Variants in KCNQ2 observed in about 807,000 individuals in gnomAD.
The protein encoded by KCNQ2 is potassium voltage-gated channel subfamily KQT member 2.
A neutral mutation model predicts 84.8 loss-of-function variants in KCNQ2; 14 were observed. The ratio of observed to expected loss-of-function variants is 0.17; its 90% CI spans 0.11 to 0.26. The LOEUF is 0.26. KCNQ2 is among the 10% of genes least tolerant of loss of function. KCNQ2 has a pLI of 1.00. For missense variants in KCNQ2, 788 were observed against 1,254.0 expected, an observed-to-expected ratio of 0.63 and a Z score of 5.61; for synonymous variants, 599 against 554.1, an observed-to-expected ratio of 1.08 and a Z score of -1.14.
In KCNQ2 at chr20:63,434,093, A is replaced by G; in HGVS notation, c.1024-190T>C. On this transcript the variant is annotated intron_variant, in intron 7 of 16. Coordinates refer to ENST00000359125, the MANE Select transcript of KCNQ2 (RefSeq NM_172107.4). ...AGCCTCAGTTTACCCTCTGTAGGACAGACAGGCAAGCCCGCTTGTCAGACG... is the reference window on the plus strand; with the variant it reads ...AGCCTCAGTTTACCCTCTGTAGGACGGACAGGCAAGCCCGCTTGTCAGACG... The G allele has an allele frequency of 5.2e-6, 3 of 575,276 alleles. No homozygotes were observed. The South Asian group carries it at 6.8e-5, about 13-fold the overall frequency. The allele number at this position is 575,276 out of a possible 1,614,324, so 35.6% of individuals were successfully genotyped here. A position where few individuals can be genotyped will look rare whatever the true frequency, so the allele number is the denominator to read the frequency against.
intron 2 of KCNQ2, 173 bp from the exon 3 acceptor site, chr20:63,445,537 G>A: frequency 1.5e-6 from 1 of 658,362 alleles, no homozygotes; most frequent in Non-Finnish European, 2.6e-6. Flanking sequence ...GGCAGGAAGG[G>A]TTGGGCCCTC....
chr20:63,448,261 G>C (rs1263753025), intron 1 of KCNQ2: 7 of 152,290 alleles, frequency 4.6e-5, no homozygotes, highest in Admixed American at 3.9e-4. Context: ...ATGTGAAGGG[G>C]ACGTGTCCAA....
chr20:63,443,394 TCACCATCAC>T (rs1568937659), intron 4 of KCNQ2, among the ~76,000 whole-genome samples: 8 of 5,308 alleles, frequency 1.5e-3, no homozygotes, highest in African/African-American at 3.2e-3. Flanking sequence ...ACCACCACCA[TCACCATCAC>T]CACCATCACC....
Position 63,442,594 on chromosome 20 carries a change from CCAA to C in KCNQ2, c.691-66_691-64del, listed in dbSNP as rs200525760. 477 of 1,556,818 alleles carry C rather than the reference CCAA, an allele frequency of 3.1e-4. 1 individual carries two copies. Among genetic ancestry groups the C allele is most frequent in the Middle Eastern group, 2.7e-3 (16 of 5,968 alleles). ...ACCAGAAGCATCACCATCACCACCA[CCAA>C]CACCACCACCATCACATCAACACCA... On this transcript the variant is annotated intron_variant, in intron 4 of 16. Transcript: ENST00000359125.
At chr20:63,431,483 C>A in intron 8 of KCNQ2, 114 bp from the exon 9 acceptor site, 2 of 1,228,748 alleles carry the variant, frequency 1.6e-6, no homozygotes, top group South Asian at 2.4e-5. Context: ...AACAACAGAA[C>A]AAAGAAAATT....
rs2081932953 is a variant in KCNQ2, at chr20:63,460,996, G to A, written c.296+11172C>T. 6.6e-6 allele frequency: 1 copy of A among 152,240 alleles called. No homozygotes were observed. Among genetic ancestry groups the A allele is most frequent in the Non-Finnish European group, 1.5e-5 (1 of 68,050 alleles). 9.4% of individuals were successfully genotyped at this position (152,240 alleles called of 1,614,324 possible). ...TGCCGTTAACACCACAGCGGGACGG[G>A]ACCGCCTGAATCCTATTCTGTTTAG... is the stretch of plus-strand genomic sequence containing the variant. On this transcript the variant is annotated intron_variant, in intron 1 of 16. Transcript: ENST00000359125. This position sits in a 1 kb window ranked among gnomAD's most constrained non-coding sequence, Gnocchi z 5.4.
chr20:63,424,041 C>T (rs1402573152), intron 11 of KCNQ2, 136 bp downstream of exon 11: 2 of 957,646 alleles, frequency 2.1e-6, no homozygotes, highest in South Asian at 1.5e-5. Flanking sequence ...GGGGTCTGGA[C>T]CCGCAGTCAC....
At chr20:63,461,382 C>A (rs2081942335) in intron 1 of KCNQ2, among the ~76,000 whole-genome samples, 1 of 152,178 alleles carries the variant, frequency 6.6e-6, no homozygotes. Context: ...CTTGCCCCAG[C>A]AGCCACCCCC....
At chr20:63,411,177 G>C (rs1020807863) in intron 15 of KCNQ2, among the ~76,000 whole-genome samples, 1 of 152,246 alleles carries the variant, frequency 6.6e-6, no homozygotes, top group African/African-American at 2.4e-5. Flanking sequence ...GCACCTGGCA[G>C]GCCTCTTCTC....
chr20:63,463,394 C>T (rs2082004682), intron 1 of KCNQ2, among the ~76,000 whole-genome samples: 1 of 152,186 alleles, frequency 6.6e-6, no homozygotes, highest in African/African-American at 2.4e-5. Flanking sequence ...CCTGACCACC[C>T]TACTCCAGGA....
chr20:63,416,705 G>A (rs146976397), intron 12 of KCNQ2, among the ~76,000 whole-genome samples: 1 of 152,306 alleles, frequency 6.6e-6, no homozygotes, highest in Non-Finnish European at 1.5e-5. Context: ...GAGGGACTGA[G>A]GCCCCGGTCA....
At chr20:63,467,923 A>G (rs1373468165) in intron 1 of KCNQ2, among the ~76,000 whole-genome samples, 1 of 152,118 alleles carries the variant, frequency 6.6e-6, no homozygotes, top group African/African-American at 2.4e-5. Context: ...ATTTCTAATA[A>G]AACAGATTTT....
At chr20:63,411,614 G>A (rs2080123753) in intron 15 of KCNQ2, among the ~76,000 whole-genome samples, 1 of 151,748 alleles carries the variant, frequency 6.6e-6, no homozygotes, top group Non-Finnish European at 1.5e-5. Context: ...CCCTGGTGGA[G>A]GAAGGGCCTT....
chr20:63,414,808 A>G lies in KCNQ2; in HGVS notation c.1525+95T>C. The G allele has an allele frequency of 8.1e-7, 1 of 1,240,344 alleles. No individual in the cohort carries two copies. The highest frequency in any genetic ancestry group is 1.7e-5 in the Admixed American group (1 of 59,382). The allele number at this position is 1,240,344 out of a possible 1,614,324, so 76.8% of individuals were successfully genotyped here. On this transcript the variant is annotated intron_variant, in intron 13 of 16. Transcript: ENST00000359125. This position sits in a 1 kb window ranked among gnomAD's most constrained non-coding sequence, Gnocchi z 6.6. Reference sequence around the variant, plus strand: ...GGGGTTCCCACTCCAAGAGCAAGCAAAAGCAGCTGCGACGCCACAGGGTGG... The same window carrying G: ...GGGGTTCCCACTCCAAGAGCAAGCAGAAGCAGCTGCGACGCCACAGGGTGG...
At position 63,407,822 on chromosome 20, in the gene KCNQ2, G is replaced by A. The variant is rs369049300; in HGVS notation, c.1888-447C>T. The A allele has an allele frequency of 8.2e-4, 165 of 201,522 alleles. 3 individuals are homozygous for A. In the South Asian group the frequency reaches 0.014, roughly 17 times the overall value. The allele number at this position is 201,522 out of a possible 1,614,324, so 12.5% of individuals were successfully genotyped here. ...GGAGGAGCGGGAAGAGGAGGCCCAG[G>A]AGCAGCTCTTCCTCCTTCCCAGACC... is the stretch of plus-strand genomic sequence containing the variant. On this transcript the variant is annotated intron_variant, in intron 16 of 16. Coordinates refer to ENST00000359125, the MANE Select transcript of KCNQ2 (RefSeq NM_172107.4). The surrounding 1 kb of genome is among the most constrained non-coding windows in gnomAD (Gnocchi z 7.2).
chr20:63,463,109 C>T (rs2081997333), intron 1 of KCNQ2, among the ~76,000 whole-genome samples: 2 of 151,154 alleles, frequency 1.3e-5, no homozygotes, highest in African/African-American at 2.4e-5. Context: ...TGAATTTGAC[C>T]TATTCTGGAA....
chr20:63,433,911 G>A lies in KCNQ2; in HGVS notation c.1024-8C>T, dbSNP rs765176914. On this transcript the variant is annotated splice_region_variant and splice_polypyrimidine_tract_variant and intron_variant, in intron 7 of 16. Transcript: ENST00000359125. Reference sequence around the variant, plus strand: ...GTAGAATCTCCAGGCCGACTGCGGAGGGAAAGACAAGGCAGTTGGCGAGGG... The same window carrying A: ...GTAGAATCTCCAGGCCGACTGCGGAAGGAAAGACAAGGCAGTTGGCGAGGG... The A allele has an allele frequency of 2.5e-6, 4 of 1,612,916 alleles. No individual in the cohort carries two copies. The highest frequency in any genetic ancestry group is 2.5e-6 in the Non-Finnish European group (3 of 1,179,654).
rs1600749499 is a variant in KCNQ2 at position 63,438,231 on chromosome 20, G to A, written c.1023+394C>T. The A allele has an allele frequency of 1.5e-5, 5 of 331,820 alleles. No homozygotes were observed. In the East Asian group the frequency reaches 2.1e-4, roughly 14 times the overall value. The allele number at this position is 331,820 out of a possible 1,614,324, so 20.6% of individuals were successfully genotyped here. On this transcript the variant is annotated intron_variant, in intron 7 of 16. Coordinates refer to ENST00000359125, the MANE Select transcript of KCNQ2 (RefSeq NM_172107.4). The surrounding 1 kb of genome is among the most constrained non-coding windows in gnomAD (Gnocchi z 5.1). ...GTGGGGTCCGGGCGGGCATCATGGG[G>A]GCCCACAGCCAGCATCAGGGGTCAG...
At chr20:63,439,151 C>T (rs933094816) in intron 6 of KCNQ2, among the ~76,000 whole-genome samples, 4 of 152,182 alleles carry the variant, frequency 2.6e-5, no homozygotes, top group Admixed American at 6.5e-5. Flanking sequence ...AGCCTCTTGC[C>T]GTGCACCAGC....
Sources: gnomAD v4.1 joint callset for allele counts (sites outside exome capture counted in the v4.1 genomes callset) on GRCh38, gnomAD v4.1.1 for gene constraint, Gnocchi (gnomAD v3.1) non-coding constraint, MANE v1.5 for transcripts, NCBI Gene and HGNC (gene_info 2026-07-23, HGNC 2026-07-21) for gene names.